Variants in PSPH observed in about 807,000 individuals in gnomAD.
PSPH encodes L-3-phosphoserine phosphatase.
A neutral mutation model predicts 23.4 loss-of-function variants in PSPH; 16 were observed. The observed-to-expected ratio is 0.68, with a 90% confidence interval of 0.46 to 1.04. The LOEUF is 1.04. Ranked by LOEUF, PSPH falls within the 50% of genes least tolerant of loss-of-function variation. PSPH has a pLI of 0.00. For missense variants in PSPH, 223 were observed against 273.7 expected (o/e 0.81, Z 1.31); for synonymous variants, 68 against 99.7 (o/e 0.68, Z 1.89).
At chr7:56,029,939 A>G (rs1301851938) in intron 3 of PSPH, among the ~76,000 whole-genome samples, 1 of 148,886 alleles carries the variant, frequency 6.7e-6, no homozygotes, top group African/African-American at 2.5e-5. Context: ...ATTGTGCCAC[A>G]CTGCAGTCTA....
chr7:56,046,481 T>C (rs1202788030), intron 1 of PSPH, among the ~76,000 whole-genome samples: 2 of 152,092 alleles, frequency 1.3e-5, no homozygotes, highest in Admixed American at 6.6e-5. Context: ...TCCTCCCACG[T>C]TGGCCTTCCA....
In PSPH at chr7:56,034,836, T is replaced by C. The variant is rs117848076; in HGVS notation, c.-291-730A>G. Reference sequence around the variant, plus strand: ...CGGCCAAGACTACTTATATTCTTAATTAAAATGCAACCATGAGTAACAAAA... The same window carrying C: ...CGGCCAAGACTACTTATATTCTTAACTAAAATGCAACCATGAGTAACAAAA... On this transcript the variant is annotated intron_variant, in intron 1 of 7. Transcript: ENST00000275605. 3.3e-3 allele frequency among the ~76,000 whole-genome samples: 496 copies of C among 152,192 alleles called. 9 individuals carry two copies. Among genetic ancestry groups the C allele is most frequent in the Admixed American group, 0.025 (378 of 15,266 alleles).
At chr7:56,024,167 G>A (rs1474977646) in intron 3 of PSPH, among the ~76,000 whole-genome samples, 3 of 151,488 alleles carry the variant, frequency 2.0e-5, no homozygotes, top group South Asian at 4.2e-4. Flanking sequence ...CGCCCGCCTC[G>A]GCCTCTCAAA....
intron 4 of PSPH, 96 bp from the exon 5 acceptor site, chr7:56,019,830 G>A (rs1455402035): frequency 6.5e-7 from 1 of 1,529,994 alleles, no homozygotes; most frequent in Non-Finnish European, 8.9e-7. Context: ...CCACCAAAAG[G>A]AAGATGCTAC....
At position 56,021,221 on chromosome 7, in the gene PSPH, G is replaced by T. The variant is rs781715596; in HGVS notation, c.-9C>A. 6.3e-5 allele frequency: 101 copies of T among 1,613,724 alleles called. No homozygotes were observed. The highest frequency in any genetic ancestry group is 1.2e-4 in the Admixed American group (7 of 59,968). ...TCTGAGTGGGAGACCATCGCTGGAA[G>T]AATTTTCCTCCTACAAGAAAAAAGA... On this transcript the variant is annotated 5_prime_UTR_variant, in exon 4 of 8. Transcript: ENST00000275605.
In PSPH at chr7:56,011,661, TC is replaced by T. The variant is rs1344759321; in HGVS notation, c.*100del. On this transcript the variant is annotated 3_prime_UTR_variant, in exon 8 of 8. Coordinates refer to ENST00000275605, the MANE Select transcript of PSPH (RefSeq NM_004577.4). ...AAGTACAGATCATTTGTACCAACTT[TC>T]TATAGCAAGTTGTAATAGGCAACTG... The T allele has an allele frequency of 2.1e-5, 19 of 905,348 alleles. No homozygotes were observed. The highest frequency in any genetic ancestry group is 3.4e-5 in the Non-Finnish European group (19 of 551,102). The allele number at this position is 905,348 out of a possible 1,614,324, so 56.1% of individuals were successfully genotyped here. A position where few individuals can be genotyped will look rare whatever the true frequency, so the allele number is the denominator to read the frequency against.
rs1000335022 is a variant in PSPH at position 56,011,462 on chromosome 7, G to C, written c.*300C>G. ...GAGAATGGCGTGAACCTGGGAGGCAGAGCTTGCAGTGAGCCGAGACCGCGC... is the reference window on the plus strand; with the variant it reads ...GAGAATGGCGTGAACCTGGGAGGCACAGCTTGCAGTGAGCCGAGACCGCGC... On this transcript the variant is annotated 3_prime_UTR_variant, in exon 8 of 8. Coordinates refer to ENST00000275605, the MANE Select transcript of PSPH (RefSeq NM_004577.4). The C allele has an allele frequency of 1.5e-5, 3 of 197,276 alleles. No homozygotes were observed. The highest frequency in any genetic ancestry group is 7.1e-5 in the African/African-American group (3 of 42,114). The allele number at this position is 197,276 out of a possible 1,614,324, so 12.2% of individuals were successfully genotyped here. A position where few individuals can be genotyped will look rare whatever the true frequency, so the allele number is the denominator to read the frequency against.
intron 3 of PSPH, among the ~76,000 whole-genome samples, chr7:56,027,501 G>A (rs139142927): frequency 4.5e-4 from 68 of 151,970 alleles, no homozygotes; most frequent in African/African-American, 1.5e-3. Context: ...CAAGGCAGGC[G>A]AATCACAAGG....
intron 1 of PSPH, among the ~76,000 whole-genome samples, chr7:56,036,588 C>A (rs1189096400): frequency 6.6e-6 from 1 of 150,622 alleles, no homozygotes; most frequent in African/African-American, 2.4e-5. Context: ...GTGATCATGC[C>A]ACTGTACTCC....
chr7:56,029,572 C>G (rs4948102), intron 3 of PSPH, among the ~76,000 whole-genome samples: 106,658 of 151,130 alleles, frequency 0.71, 38,016 homozygotes, highest in Non-Finnish European at 0.76. Context: ...AAGCTTTCCT[C>G]CAGGGCCAGC....
At chr7:56,044,675 G>A (rs1209540839) in intron 1 of PSPH, among the ~76,000 whole-genome samples, 4 of 151,956 alleles carry the variant, frequency 2.6e-5, no homozygotes, top group African/African-American at 9.7e-5. Context: ...CAGGAGGATC[G>A]CTTGAGGCTA....
chr7:56,047,577 T>C (rs1234975714), intron 1 of PSPH, among the ~76,000 whole-genome samples: 1 of 151,810 alleles, frequency 6.6e-6, no homozygotes, highest in African/African-American at 2.4e-5. Context: ...TCACCAGGAA[T>C]GAGAAAAACT....
chr7:56,040,610 TG>T (rs1172560187), intron 1 of PSPH, among the ~76,000 whole-genome samples: 1 of 151,982 alleles, frequency 6.6e-6, no homozygotes, highest in Non-Finnish European at 1.5e-5. Flanking sequence ...TTGACTGAAT[TG>T]TCCCCTTCCT....
At chr7:56,038,291 C>CAAAAAAA (rs34887035) in intron 1 of PSPH, among the ~76,000 whole-genome samples, 7 of 127,184 alleles carry the variant, frequency 5.5e-5, no homozygotes, top group East Asian at 2.4e-4. Flanking sequence ...ACAAAAAATA[C>CAAAAAAA]AAAAAAAAAA....
chr7:56,028,050 A>G (rs1790465211), intron 3 of PSPH, among the ~76,000 whole-genome samples: 1 of 129,732 alleles, frequency 7.7e-6, no homozygotes, highest in Non-Finnish European at 1.8e-5. Context: ...CCCTGCCTCA[A>G]AAAAAAAAAA....
At chr7:56,027,277 G>C (rs1790337910) in intron 3 of PSPH, among the ~76,000 whole-genome samples, 1 of 151,712 alleles carries the variant, frequency 6.6e-6, no homozygotes, top group Non-Finnish European at 1.5e-5. Flanking sequence ...CAATGCTCCT[G>C]AGAATGACTG....
At chr7:56,038,138 A>G (rs1399260869) in intron 1 of PSPH, among the ~76,000 whole-genome samples, 1 of 151,798 alleles carries the variant, frequency 6.6e-6, no homozygotes. Flanking sequence ...GGTGTTATTC[A>G]GTAACATTGA....
chr7:56,035,716 T>C (rs1791639855), intron 1 of PSPH, among the ~76,000 whole-genome samples: 1 of 151,468 alleles, frequency 6.6e-6, no homozygotes, highest in Non-Finnish European at 1.5e-5. Flanking sequence ...GCCTCCTGGG[T>C]TCAAGCGATT....
chr7:56,019,046 G>A (rs888939094), intron 5 of PSPH, among the ~76,000 whole-genome samples: 2 of 152,102 alleles, frequency 1.3e-5, no homozygotes, highest in Admixed American at 1.3e-4. Context: ...AGGAGGCTAA[G>A]GAGGGAGGGC....
Sources: gnomAD v4.1 joint callset for allele counts (sites outside exome capture counted in the v4.1 genomes callset) on GRCh38, gnomAD v4.1.1 for gene constraint, MANE v1.5 for transcripts, NCBI Gene and HGNC (gene_info 2026-07-23, HGNC 2026-07-21) for gene names.